EFR3A: variants seen among roughly 807,000 people sequenced by gnomAD.
EFR3A encodes EFR3 homolog A.
Under a neutral mutation model 104.4 loss-of-function variants are expected in EFR3A, and 76 were observed. That is an observed-to-expected ratio of 0.73 (90% CI 0.60 to 0.88). The LOEUF (loss-of-function observed/expected upper bound fraction) is 0.88, where lower values mean the gene tolerates loss of function less well. Among genes scored for constraint, EFR3A ranks in the 40% least tolerant of loss-of-function variants. The pLI, the probability that EFR3A is intolerant of heterozygous loss-of-function variation, is 0.00. For missense variants in EFR3A, 985 were observed against 1,012.5 expected (o/e 0.97, Z 0.37); for synonymous variants, 330 against 330.0 (o/e 1.00, Z 0.00).
intron 22 of EFR3A, 62 bp downstream of exon 22, chr8:132,003,347 C>T (rs1821883531): frequency 2.1e-6 from 3 of 1,436,848 alleles, no homozygotes; most frequent in Non-Finnish European, 2.9e-6. Flanking sequence ...TGACAGACCC[C>T]TATGAATTTG....
chr8:131,935,399 C>T, intron 1 of EFR3A: 1 of 286,964 alleles, frequency 3.5e-6, no homozygotes, highest in South Asian at 2.8e-5. Context: ...TGAAGACAGA[C>T]ACATATATGT....
intron 7 of EFR3A, 112 bp from the exon 8 acceptor site, chr8:131,959,473 G>C (rs1485743112): frequency 5.3e-6 from 4 of 755,762 alleles, no homozygotes; most frequent in Non-Finnish European, 8.5e-6. Flanking sequence ...TTGAAATCTT[G>C]CTTTTCTTTT....
At chr8:131,972,201 G>T (rs1820094257) in intron 10 of EFR3A, among the ~76,000 whole-genome samples, 1 of 150,264 alleles carries the variant, frequency 6.7e-6, no homozygotes, top group Middle Eastern at 3.5e-3. Context: ...TGCTCAGATT[G>T]TCCCTGATTT....
At chr8:131,963,696 A>G (rs922474473) in intron 8 of EFR3A, among the ~76,000 whole-genome samples, 2 of 152,208 alleles carry the variant, frequency 1.3e-5, no homozygotes, top group African/African-American at 4.8e-5. Flanking sequence ...ATAGAAAAAG[A>G]GGGAATCCTC....
intron 19 of EFR3A, among the ~76,000 whole-genome samples, chr8:132,000,428 G>A (rs1367929818): frequency 6.6e-6 from 1 of 152,088 alleles, no homozygotes; most frequent in African/African-American, 2.4e-5. Context: ...GTGCCTGGCC[G>A]ACTTGGGGGT....
At chr8:131,976,830 A>G (rs1335671221) in intron 11 of EFR3A, among the ~76,000 whole-genome samples, 2 of 152,160 alleles carry the variant, frequency 1.3e-5, no homozygotes, top group African/African-American at 4.8e-5. Flanking sequence ...TTGAGAGCCA[A>G]TAACAAATTT....
chr8:131,976,102 T>G lies in EFR3A; in HGVS notation c.1235T>G (p.Phe412Cys), dbSNP rs1347690464. Residue 412 changes from phenylalanine to cysteine, a missense_variant, in exon 11 of 23, where the codon TTT (phenylalanine) becomes TGT (cysteine). Transcript: ENST00000254624. ...MMFIMGKVPV[F>C]GTSTHTLDIS... ...TTCATTATGGGGAAAGTACCTGTCT[T>G]TGGAACATCTACCCATACTTTGGAT... 8.1e-6 allele frequency: 13 copies of G among 1,604,060 alleles called. No individual in the cohort carries two copies. The Admixed American group carries it at 8.5e-5, about 10-fold the overall frequency.
intron 18 of EFR3A, among the ~76,000 whole-genome samples, chr8:131,992,210 G>T (rs549782293): frequency 6.6e-6 from 1 of 152,242 alleles, no homozygotes; most frequent in South Asian, 2.1e-4. Flanking sequence ...ACCACATACT[G>T]CTTTGTGGCA....
At chr8:131,995,776 C>T (rs1286483916) in intron 18 of EFR3A, among the ~76,000 whole-genome samples, 1 of 152,138 alleles carries the variant, frequency 6.6e-6, no homozygotes, top group Non-Finnish European at 1.5e-5. Context: ...AGTAGATTAG[C>T]TAGAGCACTC....
chr8:131,907,088 A>T (rs1816295305), intron 1 of EFR3A, among the ~76,000 whole-genome samples: 2 of 152,206 alleles, frequency 1.3e-5, no homozygotes, highest in Admixed American at 6.5e-5. Flanking sequence ...GCATAGTAAC[A>T]TTAATTTTTC....
At chr8:131,976,167 ACTTAAT>A (rs779342401) in intron 11 of EFR3A, 26 bp downstream of exon 11, 2 of 1,381,618 alleles carry the variant, frequency 1.4e-6, no homozygotes, top group Admixed American at 4.2e-5. Flanking sequence ...GTAAATTTGA[ACTTAAT>A]CTTGAGTTAC....
rs1818783048 is a variant in EFR3A at position 131,952,996 on chromosome 8, A to G, written c.489-822A>G. Among the ~76,000 whole-genome samples, 5 of 152,154 alleles carry G rather than the reference A, an allele frequency of 3.3e-5. No individual in the cohort carries two copies. In the South Asian group the frequency reaches 6.2e-4, roughly 19 times the overall value. On this transcript the variant is annotated intron_variant, in intron 5 of 22. Coordinates refer to ENST00000254624, the MANE Select transcript of EFR3A (RefSeq NM_015137.6). Reference sequence around the variant, plus strand: ...AGCCATCATATTTGACCAGAAGGAAAATGTTTTGAGACTCATTGGGCCACC... The same window carrying G: ...AGCCATCATATTTGACCAGAAGGAAGATGTTTTGAGACTCATTGGGCCACC...
At chr8:131,985,263 T>C (rs1033159648) in intron 16 of EFR3A, among the ~76,000 whole-genome samples, 1 of 152,236 alleles carries the variant, frequency 6.6e-6, no homozygotes, top group African/African-American at 2.4e-5. Context: ...TTTATTATAA[T>C]AGTTTAATGT....
chr8:131,976,460 A>G (rs1820331771), intron 11 of EFR3A, among the ~76,000 whole-genome samples: 1 of 152,130 alleles, frequency 6.6e-6, no homozygotes, highest in Non-Finnish European at 1.5e-5. Flanking sequence ...TAATGTCAAT[A>G]TATCAGAAAT....
In EFR3A at chr8:132,011,402, G is replaced by A; in HGVS notation, c.*507G>A. 1 of 985,908 alleles carries A rather than the reference G, an allele frequency of 1.0e-6. No individual in the cohort carries two copies. The allele number at this position is 985,908 out of a possible 1,614,324, so 61.1% of individuals were successfully genotyped here. A position where few individuals can be genotyped will look rare whatever the true frequency, so the allele number is the denominator to read the frequency against. On this transcript the variant is annotated 3_prime_UTR_variant, in exon 23 of 23. Transcript: ENST00000254624. Reference sequence around the variant, plus strand: ...CCCATGCTTTAGATAAGCTGGGATAGGCACCTTGCTATTCAGTTACTATAA... The same window carrying A: ...CCCATGCTTTAGATAAGCTGGGATAAGCACCTTGCTATTCAGTTACTATAA...
At chr8:132,003,589 T>C (rs1180676162) in intron 22 of EFR3A, among the ~76,000 whole-genome samples, 1 of 152,222 alleles carries the variant, frequency 6.6e-6, no homozygotes, top group Non-Finnish European at 1.5e-5. Flanking sequence ...CATATTCTAA[T>C]ATTATGCTTA....
At chr8:131,949,947 T>C (rs1818615542) in intron 4 of EFR3A, 22 bp from the exon 5 acceptor site, 2 of 1,562,228 alleles carry the variant, frequency 1.3e-6, no homozygotes, top group Non-Finnish European at 1.7e-6. Context: ...GTGAAGTATA[T>C]TATATTATTT....
rs990412600 is a variant in EFR3A at position 131,986,231 on chromosome 8, T to C, written c.1907T>C (p.Leu636Pro). 6.3e-7 allele frequency: 1 copy of C among 1,592,722 alleles called. No homozygotes were observed. Among genetic ancestry groups the C allele is most frequent in the East Asian group, 2.2e-5 (1 of 44,622 alleles). ...EIRTMEAPYF[L>P]PEHIFRDKCM... ...CGAACTATGGAAGCCCCTTATTTTC[T>C]ACCAGAGCATATCTTCAGAGATAAG... Residue 636 changes from leucine to proline, a missense_variant, in exon 17 of 23, where the codon CTA (leucine) becomes CCA (proline). Transcript: ENST00000254624.
At chr8:131,995,161 T>C (rs778911031) in intron 18 of EFR3A, among the ~76,000 whole-genome samples, 8 of 152,226 alleles carry the variant, frequency 5.3e-5, no homozygotes, top group Non-Finnish European at 8.8e-5. Context: ...GACTAGAAGC[T>C]TCCAGAGCTT....
Sources: allele counts gnomAD v4.1 joint callset (sites outside exome capture counted in the v4.1 genomes callset), GRCh38; gene constraint gnomAD v4.1.1; transcripts MANE v1.5; gene names NCBI Gene and HGNC (gene_info 2026-07-23, HGNC 2026-07-21).